Variants in LINGO2 observed in about 807,000 individuals in gnomAD.
LINGO2 encodes leucine rich repeat and Ig domain containing 2.
A neutral mutation model predicts 30.6 loss-of-function variants in LINGO2; 14 were observed. The observed-to-expected ratio is 0.46, with a 90% confidence interval of 0.30 to 0.72. The LOEUF is 0.72. Ranked by LOEUF, LINGO2 falls within the 30% of genes least tolerant of loss-of-function variation. The pLI, the probability that LINGO2 is intolerant of heterozygous loss-of-function variation, is 0.07. For missense variants in LINGO2, 729 were observed against 751.7 expected, an observed-to-expected ratio of 0.97 and a Z score of 0.35; for synonymous variants, 317 against 288.5, an observed-to-expected ratio of 1.10 and a Z score of -1.00.
intron 4 of LINGO2, among the ~76,000 whole-genome samples, chr9:28,017,693 C>T (rs772907081): frequency 6.6e-6 from 1 of 152,098 alleles, no homozygotes; most frequent in Non-Finnish European, 1.5e-5. Flanking sequence ...TTTCAAAACA[C>T]TGCTTAAAGA....
intron 5 of LINGO2, among the ~76,000 whole-genome samples, chr9:27,952,252 A>T (rs1221190037): frequency 6.6e-6 from 1 of 152,038 alleles, no homozygotes; most frequent in African/African-American, 2.4e-5. Context: ...ATGGCATCTC[A>T]AAAACATCAA....
At chr9:28,087,842 C>T (rs1825957923) in intron 4 of LINGO2, among the ~76,000 whole-genome samples, 1 of 152,018 alleles carries the variant, frequency 6.6e-6, no homozygotes, top group Non-Finnish European at 1.5e-5. Context: ...CATGAGATAG[C>T]TCCTAGTCTT....
the LINGO2 span, among the ~76,000 whole-genome samples, chr9:29,193,433 T>C: frequency 1.3e-5 from 2 of 152,332 alleles, no homozygotes; most frequent in African/African-American, 4.8e-5. Flanking sequence ...ATGATCCTCC[T>C]GGTGTGCTCC....
At chr9:28,603,942 A>G (rs10968666) in intron 1 of LINGO2, among the ~76,000 whole-genome samples, 11,354 of 151,998 alleles carry the variant, frequency 0.075, 579 homozygotes, top group African/African-American at 0.14. Flanking sequence ...GTTTTGATAA[A>G]CATTGTTTCT....
intron 1 of LINGO2, among the ~76,000 whole-genome samples, chr9:28,492,553 T>C (rs940998333): frequency 6.6e-6 from 1 of 152,196 alleles, no homozygotes; most frequent in African/African-American, 2.4e-5. Flanking sequence ...TGGTTGTTTT[T>C]GTTAAAAGTA....
chr9:28,750,197 AG>A, the LINGO2 span, among the ~76,000 whole-genome samples: 1 of 152,170 alleles, frequency 6.6e-6, no homozygotes, highest in Non-Finnish European at 1.5e-5. Context: ...CTGTAGAACT[AG>A]AACTGCCTGT....
intron 4 of LINGO2, among the ~76,000 whole-genome samples, chr9:28,073,999 A>G (rs1326343774): frequency 6.6e-6 from 1 of 152,338 alleles, no homozygotes; most frequent in East Asian, 1.9e-4. Flanking sequence ...TGAGCATATC[A>G]GAATATGTCA....
At position 28,160,370 on chromosome 9, in the gene LINGO2, A is replaced by G. The variant is rs564564304; in HGVS notation, c.-87+134838T>C. On this transcript the variant is annotated intron_variant, in intron 4 of 5. Coordinates refer to ENST00000379992, the Ensembl canonical transcript of LINGO2. ...TCATCATATTTAAAAAATAAAAGAA[A>G]GGGGAGAAACTGAAAAAAGAATTCT... Among the ~76,000 whole-genome samples the G allele has an allele frequency of 2.0e-5, 3 of 152,338 alleles. No homozygotes were observed. In the South Asian group the frequency reaches 6.2e-4, roughly 32 times the overall value.
the LINGO2 span, among the ~76,000 whole-genome samples, chr9:29,111,131 T>G: frequency 6.6e-6 from 1 of 152,218 alleles, no homozygotes; most frequent in South Asian, 2.1e-4. Flanking sequence ...AATGATCCTT[T>G]TTTAAAAAAT....
the LINGO2 span, among the ~76,000 whole-genome samples, chr9:28,740,495 C>A: frequency 6.6e-6 from 1 of 151,702 alleles, no homozygotes; most frequent in African/African-American, 2.4e-5. Flanking sequence ...TAAATATATA[C>A]AAACATACAT....
chr9:29,199,183 A>G, the LINGO2 span, among the ~76,000 whole-genome samples: 4 of 152,044 alleles, frequency 2.6e-5, no homozygotes, highest in African/African-American at 7.2e-5. Flanking sequence ...GAAAAGAAAG[A>G]TCTCTGGAGA....
At chr9:28,980,372 T>C in the LINGO2 span, among the ~76,000 whole-genome samples, 1 of 152,074 alleles carries the variant, frequency 6.6e-6, no homozygotes, top group East Asian at 1.9e-4. Context: ...AATAAGGACA[T>C]CAGTCTTTTG....
the LINGO2 span, among the ~76,000 whole-genome samples, chr9:28,836,971 C>A: frequency 7.2e-5 from 11 of 152,268 alleles, no homozygotes; most frequent in South Asian, 2.3e-3. Context: ...TGGTACTATT[C>A]TATACTTTAG....
intron 4 of LINGO2, among the ~76,000 whole-genome samples, chr9:28,177,647 G>A (rs1323120481): frequency 1.3e-5 from 2 of 152,100 alleles, no homozygotes; most frequent in African/African-American, 4.8e-5. Context: ...TGTTATGATT[G>A]CTATGGTGGA....
the LINGO2 span, among the ~76,000 whole-genome samples, chr9:28,970,585 C>A: frequency 1.3e-5 from 2 of 152,094 alleles, no homozygotes; most frequent in Non-Finnish European, 2.9e-5. Context: ...AGGGAGAGCA[C>A]AGCAGTTATG....
At chr9:28,491,932 T>G (rs1477996246) in intron 1 of LINGO2, among the ~76,000 whole-genome samples, 1 of 152,158 alleles carries the variant, frequency 6.6e-6, no homozygotes, top group Non-Finnish European at 1.5e-5. Context: ...AAAGGGAAAC[T>G]GTGGGAAAAA....
chr9:28,972,023 C>T, the LINGO2 span, among the ~76,000 whole-genome samples: 1 of 152,174 alleles, frequency 6.6e-6, no homozygotes, highest in Non-Finnish European at 1.5e-5. Flanking sequence ...AGAGAACTCT[C>T]CCGAATCTTT....
At chr9:28,276,443 A>G (rs548122441) in intron 4 of LINGO2, among the ~76,000 whole-genome samples, 64 of 152,244 alleles carry the variant, frequency 4.2e-4, no homozygotes, top group Non-Finnish European at 8.1e-4. Context: ...TCATTTTCCT[A>G]GAAATATCTA....
the LINGO2 span, among the ~76,000 whole-genome samples, chr9:29,213,497 C>T: frequency 2.6e-5 from 4 of 152,138 alleles, no homozygotes; most frequent in East Asian, 7.8e-4. Context: ...CGGCGGGCGG[C>T]GGCGCCAGGT....
Sources: allele counts gnomAD v4.1 joint callset (sites outside exome capture counted in the v4.1 genomes callset), GRCh38; gene constraint gnomAD v4.1.1; transcripts MANE v1.5; gene names NCBI Gene and HGNC (gene_info 2026-07-23, HGNC 2026-07-21).